Variants in PRKCA observed in about 807,000 individuals in gnomAD.
The protein encoded by PRKCA is protein kinase C alpha type.
A neutral mutation model predicts 87.0 loss-of-function variants in PRKCA; 27 were observed. The observed-to-expected ratio is 0.31, with a 90% CI of 0.23 to 0.43. The LOEUF is 0.43. Among genes scored for constraint, PRKCA ranks in the 20% least tolerant of loss-of-function variants. PRKCA has a pLI of 1.00. For missense variants in PRKCA, 518 were observed against 852.3 expected (o/e 0.61, Z 4.88); for synonymous variants, 329 against 311.1 (o/e 1.06, Z -0.61).
chr17:66,787,018 T>C, intron 15 of PRKCA, 44 bp downstream of exon 15: 1 of 1,346,800 alleles, frequency 7.4e-7, no homozygotes, highest in Non-Finnish European at 1.1e-6. Flanking sequence ...ACCAAGAGCT[T>C]TGGTAGGAGA....
chr17:66,338,440 G>C (rs536255328), intron 2 of PRKCA, among the ~76,000 whole-genome samples: 2 of 152,144 alleles, frequency 1.3e-5, no homozygotes, highest in African/African-American at 4.8e-5. Flanking sequence ...GAGAGAGGGG[G>C]ATGAGGAAAG....
chr17:66,551,340 C>CA (rs938045698), intron 3 of PRKCA, among the ~76,000 whole-genome samples: 1 of 152,260 alleles, frequency 6.6e-6, no homozygotes, highest in African/African-American at 2.4e-5. Context: ...CTCAGGGACT[C>CA]ACATAAGGCT....
chr17:66,499,081 C>T (rs1911882522), intron 3 of PRKCA, among the ~76,000 whole-genome samples: 1 of 152,012 alleles, frequency 6.6e-6, no homozygotes, highest in South Asian at 2.1e-4. Context: ...CGCTGGGAGT[C>T]AGTTGAGTAT....
In PRKCA at chr17:66,774,961, G is replaced by A. The variant is rs192788076; in HGVS notation, c.1605+894G>A. 309 of 985,338 alleles carry A rather than the reference G, an allele frequency of 3.1e-4. No individual in the cohort carries two copies. The African/African-American group carries it at 5.1e-3, about 16-fold the overall frequency. 61.0% of individuals were successfully genotyped at this position (985,338 alleles called of 1,614,324 possible). A position where few individuals can be genotyped will look rare whatever the true frequency, so the allele number is the denominator to read the frequency against. On this transcript the variant is annotated intron_variant, in intron 14 of 16. Transcript: ENST00000413366. Reference sequence around the variant, plus strand: ...ACCATGTGCCTTATTGCCTAACATGGCACTTTCTAATATAATGGCCTTAAT... The same window carrying A: ...ACCATGTGCCTTATTGCCTAACATGACACTTTCTAATATAATGGCCTTAAT...
chr17:66,425,539 G>C (rs1262553533), intron 2 of PRKCA, among the ~76,000 whole-genome samples: 1 of 152,116 alleles, frequency 6.6e-6, no homozygotes, highest in Non-Finnish European at 1.5e-5. Context: ...GTGTCGGGTG[G>C]CAGTCTCATG....
At chr17:66,705,094 GT>G (rs1194984062) in intron 8 of PRKCA, among the ~76,000 whole-genome samples, 1 of 152,138 alleles carries the variant, frequency 6.6e-6, no homozygotes. Flanking sequence ...AAAAATCTAT[GT>G]GCCCCAATAT....
At chr17:66,613,685 C>T (rs1970435390) in intron 3 of PRKCA, among the ~76,000 whole-genome samples, 1 of 151,898 alleles carries the variant, frequency 6.6e-6, no homozygotes, top group Non-Finnish European at 1.5e-5. Flanking sequence ...TGGCCATCTC[C>T]TCTCTGTGTA....
chr17:66,790,190 C>A (rs181957363), intron 16 of PRKCA, among the ~76,000 whole-genome samples: 1 of 152,374 alleles, frequency 6.6e-6, no homozygotes, highest in East Asian at 1.9e-4. Flanking sequence ...AGAGCAGCAA[C>A]TTCCTCACCA....
intron 13 of PRKCA, among the ~76,000 whole-genome samples, chr17:66,763,836 C>T (rs915762303): frequency 1.3e-5 from 2 of 152,108 alleles, no homozygotes; most frequent in Admixed American, 6.5e-5. Flanking sequence ...TCTCCACACA[C>T]GTACTTTATA....
chr17:66,357,317 G>A (rs1319188371), intron 2 of PRKCA, among the ~76,000 whole-genome samples: 2 of 152,128 alleles, frequency 1.3e-5, no homozygotes, highest in African/African-American at 2.4e-5. Context: ...CTGGCTTTCT[G>A]CTTTTATTAC....
chr17:66,671,209 C>CAAGA (rs1472401003), intron 5 of PRKCA, among the ~76,000 whole-genome samples: 3 of 48,450 alleles, frequency 6.2e-5, no homozygotes, highest in Non-Finnish European at 1.0e-4. Flanking sequence ...AGACTCATCT[C>CAAGA]AAAAAAAAAA....
At chr17:66,319,823 C>A (rs183949886) in intron 2 of PRKCA, among the ~76,000 whole-genome samples, 1 of 152,012 alleles carries the variant, frequency 6.6e-6, no homozygotes, top group Admixed American at 6.6e-5. Flanking sequence ...CTCACTGTAA[C>A]CTCCGCCTAC....
chr17:66,607,722 G>GT (rs1242726189), intron 3 of PRKCA, among the ~76,000 whole-genome samples: 1 of 152,130 alleles, frequency 6.6e-6, no homozygotes, highest in Non-Finnish European at 1.5e-5. Flanking sequence ...CCGGTATTTG[G>GT]TAGAGTGTGG....
chr17:66,646,740 A>G (rs1971467972), intron 5 of PRKCA, among the ~76,000 whole-genome samples: 1 of 152,194 alleles, frequency 6.6e-6, no homozygotes, highest in Non-Finnish European at 1.5e-5. Flanking sequence ...AGATAAGCAA[A>G]TGTTCTAACC....
rs569356341 is a variant in PRKCA at position 66,797,084 on chromosome 17, C to T, written c.1855-6789C>T. 16 of 791,674 alleles carry T rather than the reference C, an allele frequency of 2.0e-5. No homozygotes were observed. The East Asian group carries it at 1.0e-3, about 50-fold the overall frequency. 49.0% of individuals were successfully genotyped at this position (791,674 alleles called of 1,614,324 possible). A position where few individuals can be genotyped will look rare whatever the true frequency, so the allele number is the denominator to read the frequency against. On this transcript the variant is annotated intron_variant, in intron 16 of 16. Coordinates refer to ENST00000413366, the MANE Select transcript of PRKCA (RefSeq NM_002737.3). Reference sequence around the variant, plus strand: ...GGGGTTGTATTCTACATGACTGAGACGCCGAGGTAAAGGGCAGGGGTGAGA... The same window carrying T: ...GGGGTTGTATTCTACATGACTGAGATGCCGAGGTAAAGGGCAGGGGTGAGA...
chr17:66,319,361 G>A lies in PRKCA; in HGVS notation c.205+13234G>A, dbSNP rs193170801. Among the ~76,000 whole-genome samples the A allele has an allele frequency of 3.2e-4, 49 of 152,210 alleles. No homozygotes were observed. In the East Asian group the frequency reaches 6.5e-3, roughly 20 times the overall value. ...TTGTGATTTTAATTTTGACAGTATC[G>A]TTTGTGCACAAGTTGTTTTTGGCTG... is the stretch of plus-strand genomic sequence containing the variant. On this transcript the variant is annotated intron_variant, in intron 2 of 16. Coordinates refer to ENST00000413366, the MANE Select transcript of PRKCA (RefSeq NM_002737.3).
chr17:66,569,428 G>T (rs1185467758), intron 3 of PRKCA, among the ~76,000 whole-genome samples: 1 of 152,280 alleles, frequency 6.6e-6, no homozygotes, highest in East Asian at 1.9e-4. Context: ...AATTAGCCAG[G>T]CATGGTGGCA....
At chr17:66,375,186 G>A (rs912813167) in intron 2 of PRKCA, among the ~76,000 whole-genome samples, 2 of 152,150 alleles carry the variant, frequency 1.3e-5, no homozygotes, top group Admixed American at 6.5e-5. Flanking sequence ...ATTAAGCGTC[G>A]AGGGAGATCT....
chr17:66,646,295 C>T (rs1971452714), intron 5 of PRKCA, among the ~76,000 whole-genome samples: 1 of 152,164 alleles, frequency 6.6e-6, no homozygotes, highest in Non-Finnish European at 1.5e-5. Flanking sequence ...GGTTTTCCCA[C>T]CAAATCCACT....
Sources: allele counts gnomAD v4.1 joint callset (sites outside exome capture counted in the v4.1 genomes callset), GRCh38; gene constraint gnomAD v4.1.1; transcripts MANE v1.5; gene names NCBI Gene and HGNC (gene_info 2026-07-23, HGNC 2026-07-21).